LMX1B: variants seen among roughly 807,000 people sequenced by gnomAD.
LMX1B encodes LIM homeobox transcription factor 1 beta.
In LMX1B, 12 loss-of-function variants were observed where a neutral mutation model predicts 51.4. That is an observed-to-expected ratio of 0.23 (90% CI 0.15 to 0.38). The LOEUF (loss-of-function observed/expected upper bound fraction) is 0.38. LMX1B is among the 10% of genes least tolerant of loss of function. The pLI is 1.00. For missense variants in LMX1B, 445 were observed against 571.1 expected, an observed-to-expected ratio of 0.78 and a Z score of 2.25; for synonymous variants, 237 against 235.4, an observed-to-expected ratio of 1.01 and a Z score of -0.06.
intron 2 of LMX1B, among the ~76,000 whole-genome samples, chr9:126,643,944 G>T (rs190969561): frequency 7.7e-4 from 117 of 152,334 alleles, no homozygotes; most frequent in Non-Finnish European, 1.2e-3. Context: ...GAGGCTCGGG[G>T]TCAAGTGACT....
At position 126,623,788 on chromosome 9, in the gene LMX1B, C is replaced by A. The variant is rs115880872; in HGVS notation, c.326+8219C>A. On this transcript the variant is annotated intron_variant, in intron 2 of 7. Transcript: ENST00000373474. ...GCGGATTGCCCCCTGTAGGGCCAGC[C>A]CTGGCCAGCGGAAGAAAAAGGTTAG... Among the ~76,000 whole-genome samples, 349 of 152,310 alleles carry A rather than the reference C, an allele frequency of 2.3e-3. 1 individual carries two copies. The highest frequency in any genetic ancestry group is 6.8e-3 in the Middle Eastern group (2 of 294).
intron 2 of LMX1B, among the ~76,000 whole-genome samples, chr9:126,632,948 C>T (rs1320490409): frequency 6.6e-6 from 1 of 152,234 alleles, no homozygotes; most frequent in African/African-American, 2.4e-5. Context: ...CCTTTTCATT[C>T]TGTGCTGAGC....
In LMX1B at chr9:126,614,487, G is replaced by T; in HGVS notation, c.38G>T (p.Cys13Phe). Reference protein sequence around the residue: ...IATGPESLERCFPRGQTDCAK... With the variant: ...IATGPESLERFFPRGQTDCAK... ...ACAGGTCCCGAGTCGCTGGAGAGGT[G>T]CTTCCCTCGCGGGCAGACGGACTGC... The change falls in exon 1 of 8, where the codon TGC (cysteine) becomes TTC (phenylalanine). Residue 13 changes from cysteine to phenylalanine, a missense_variant. By Grantham distance (205) the Cys-to-Phe change is radical. Transcript: ENST00000373474. 1 of 1,601,266 alleles carries T rather than the reference G, an allele frequency of 6.2e-7. No homozygotes were observed. The highest frequency in any genetic ancestry group is 8.5e-7 in the Non-Finnish European group (1 of 1,174,746).
intron 7 of LMX1B, 128 bp downstream of exon 7, chr9:126,696,131 C>A: frequency 8.6e-7 from 1 of 1,161,886 alleles, no homozygotes; most frequent in Non-Finnish European, 1.2e-6. Context: ...CACAGCCCTC[C>A]TGCCCCTGCT....
intron 2 of LMX1B, among the ~76,000 whole-genome samples, chr9:126,642,966 C>T (rs1835835121): frequency 6.6e-6 from 1 of 152,188 alleles, no homozygotes; most frequent in Non-Finnish European, 1.5e-5. Flanking sequence ...CACCCCCAGT[C>T]AGTGAAATCA....
At chr9:126,647,426 C>A (rs1835923157) in intron 2 of LMX1B, among the ~76,000 whole-genome samples, 1 of 152,146 alleles carries the variant, frequency 6.6e-6, no homozygotes, top group African/African-American at 2.4e-5. Flanking sequence ...TGCTTTTTGG[C>A]AGCTTGCATT....
intron 2 of LMX1B, among the ~76,000 whole-genome samples, chr9:126,661,328 A>G (rs554499262): frequency 1.2e-4 from 16 of 134,180 alleles, no homozygotes; most frequent in Admixed American, 9.0e-4. Flanking sequence ...GGCCCCCTTC[A>G]AGGCCCTGTT....
intron 2 of LMX1B, among the ~76,000 whole-genome samples, chr9:126,645,207 C>A (rs535250601): frequency 6.6e-6 from 1 of 152,356 alleles, no homozygotes; most frequent in African/African-American, 2.4e-5. Flanking sequence ...CTCTCCCAGA[C>A]ACCACTCCAG....
At chr9:126,675,881 C>T (rs1836547287) in intron 2 of LMX1B, among the ~76,000 whole-genome samples, 1 of 150,892 alleles carries the variant, frequency 6.6e-6, no homozygotes, top group Non-Finnish European at 1.5e-5. Context: ...AACCCCGTCT[C>T]TACTAAAAAT....
rs1471742617 is a variant in LMX1B, at chr9:126,658,577, A to G, written c.327-32259A>G. On this transcript the variant is annotated intron_variant, in intron 2 of 7. Transcript: ENST00000373474. This position sits in a 1 kb window ranked among gnomAD's most constrained non-coding sequence, Gnocchi z 4.0. ...AAGAAGGTGGCCTCGCCCCTCATCC[A>G]TCATGCCTCTAAGTAACCAATTTAA... 1.3e-4 allele frequency among the ~76,000 whole-genome samples: 20 copies of G among 152,218 alleles called. No homozygotes were observed.
Position 126,693,782 on chromosome 9 carries a change from G to A in LMX1B, c.856G>A (p.Glu286Lys). The A allele has an allele frequency of 2.7e-6, 4 of 1,471,072 alleles. No individual in the cohort carries two copies. The highest frequency in any genetic ancestry group is 3.7e-6 in the Non-Finnish European group (4 of 1,081,028). 91.1% of individuals were successfully genotyped at this position (1,471,072 alleles called of 1,614,324 possible). The change falls in exon 6 of 8, where the codon GAG (glutamate) becomes AAG (lysine). Residue 286 changes from glutamate (E) to lysine (K), a missense_variant. By Grantham distance (56) the Glu-to-Lys change is moderately conservative. Coordinates refer to ENST00000373474, the MANE Select transcript of LMX1B (RefSeq NM_001174147.2). Reference protein sequence around the residue: ...KLARRHQQQQEQQNSQRLGQE... With the variant: ...KLARRHQQQQKQQNSQRLGQE... ...GGCGCGGCGGCACCAGCAGCAGCAG[G>A]AGCAGCAGAACTCCCAGCGGCTGGG...
intron 3 of LMX1B, 136 bp downstream of exon 3, chr9:126,691,204 G>A (rs2118987687): frequency 4.6e-6 from 3 of 654,288 alleles, no homozygotes; most frequent in South Asian, 1.8e-5. Context: ...TGCATATCCA[G>A]ATGCACACGC....
rs1371003034 is a variant in LMX1B at position 126,658,974 on chromosome 9, G to A, written c.327-31862G>A. On this transcript the variant is annotated intron_variant, in intron 2 of 7. Transcript: ENST00000373474. The surrounding 1 kb of genome is among the most constrained non-coding windows in gnomAD (Gnocchi z 4.0). Reference sequence around the variant, plus strand: ...GCCTGATCCAAGGCTGGGATACAGGGTGGGAGGGACCCTTCAGGGGGCTGA... The same window carrying A: ...GCCTGATCCAAGGCTGGGATACAGGATGGGAGGGACCCTTCAGGGGGCTGA... 6.6e-6 allele frequency among the ~76,000 whole-genome samples: 1 copy of A among 152,208 alleles called. No homozygotes were observed. Among genetic ancestry groups the A allele is most frequent in the Admixed American group, 6.5e-5 (1 of 15,292 alleles).
In LMX1B at chr9:126,690,776, G is replaced by C. The variant is rs1363165764; in HGVS notation, c.327-60G>C. The C allele has an allele frequency of 1.1e-5, 16 of 1,436,576 alleles. No homozygotes were observed. In the East Asian group the frequency reaches 3.2e-4, roughly 29 times the overall value. The allele number at this position is 1,436,576 out of a possible 1,614,324, so 89.0% of individuals were successfully genotyped here. A position where few individuals can be genotyped will look rare whatever the true frequency, so the allele number is the denominator to read the frequency against. On this transcript the variant is annotated intron_variant, in intron 2 of 7. Transcript: ENST00000373474. ...GGCAAGAGGGAGAGGCCCTCGGCAG[G>C]AGTGGCCTCTGGGAGGGACTTCTGA...
intron 2 of LMX1B, among the ~76,000 whole-genome samples, chr9:126,648,453 G>C (rs1023718229): frequency 1.3e-5 from 2 of 152,158 alleles, no homozygotes; most frequent in African/African-American, 4.8e-5. Context: ...TGTTGGGGGC[G>C]GGACCCGGCT....
At chr9:126,621,528 C>T (rs1024636021) in intron 2 of LMX1B, among the ~76,000 whole-genome samples, 19 of 152,306 alleles carry the variant, frequency 1.2e-4, no homozygotes, top group African/African-American at 4.6e-4. Context: ...AAGTGGCAGA[C>T]GTTTGCCATT....
chr9:126,631,789 C>T (rs1464297670), intron 2 of LMX1B, among the ~76,000 whole-genome samples: 1 of 152,154 alleles, frequency 6.6e-6, no homozygotes, highest in African/African-American at 2.4e-5. Context: ...ATTCCCTGTG[C>T]CTCAGTTTCT....
intron 2 of LMX1B, among the ~76,000 whole-genome samples, chr9:126,664,295 C>G (rs957129225): frequency 2.0e-5 from 3 of 152,188 alleles, no homozygotes; most frequent in Non-Finnish European, 4.4e-5. Context: ...ACAGAGGAAC[C>G]TTGTTTGTTT....
intron 2 of LMX1B, among the ~76,000 whole-genome samples, chr9:126,657,940 G>A (rs1836151421): frequency 6.6e-6 from 1 of 152,188 alleles, no homozygotes; most frequent in African/African-American, 2.4e-5. Context: ...AGGGGTGCCT[G>A]CCTCACTTAG....
Sources: allele counts gnomAD v4.1 joint callset (sites outside exome capture counted in the v4.1 genomes callset), GRCh38; gene constraint gnomAD v4.1.1; non-coding constraint Gnocchi (gnomAD v3.1); transcripts MANE v1.5; gene names NCBI Gene and HGNC (gene_info 2026-07-23, HGNC 2026-07-21).